CDH13: variants seen among roughly 807,000 people sequenced by gnomAD.
CDH13 encodes cadherin 13.
In CDH13, 24 loss-of-function variants were observed where a neutral mutation model predicts 63.8. That is an observed-to-expected ratio of 0.38 (90% CI 0.27 to 0.53). CDH13 has a LOEUF of 0.53. Among genes scored for constraint, CDH13 ranks in the 20% least tolerant of loss-of-function variants. CDH13 has a pLI of 0.85. For missense variants in CDH13, 1,049 were observed against 903.1 expected (o/e 1.16, Z -2.07); for synonymous variants, 503 against 355.3 (o/e 1.42, Z -4.67).
rs1057307151 is a variant in CDH13, at chr16:83,391,729, A to G, written c.781+46723A>G. On this transcript the variant is annotated intron_variant, in intron 6 of 13. Transcript: ENST00000567109. ...CAGGTCTGTTTTGCATTGTCACCCA[A>G]GTGACATTCAGTATTGCCATTGGTT... Among the ~76,000 whole-genome samples the G allele has an allele frequency of 2.0e-3, 304 of 152,308 alleles. 1 individual carries two copies. Among genetic ancestry groups the G allele is most frequent in the African/African-American group, 6.8e-3 (284 of 41,558 alleles).
At chr16:82,983,745 A>G (rs1199450537) in intron 2 of CDH13, among the ~76,000 whole-genome samples, 12 of 152,146 alleles carry the variant, frequency 7.9e-5, no homozygotes, top group Non-Finnish European at 1.0e-4. Context: ...ACAAATATAT[A>G]TGCCTGCTTC....
chr16:83,124,287 C>A (rs374051827), intron 3 of CDH13, among the ~76,000 whole-genome samples: 1 of 152,158 alleles, frequency 6.6e-6, no homozygotes, highest in African/African-American at 2.4e-5. Flanking sequence ...CTCAGGAGAT[C>A]GGCCTGCCCT....
At chr16:83,490,302 C>T (rs2073984759) in intron 7 of CDH13, among the ~76,000 whole-genome samples, 1 of 152,180 alleles carries the variant, frequency 6.6e-6, no homozygotes, top group Non-Finnish European at 1.5e-5. Flanking sequence ...GTGGCAGGCA[C>T]TGGGAATTTT....
intron 2 of CDH13, among the ~76,000 whole-genome samples, chr16:83,000,240 T>A (rs1320149006): frequency 2.7e-5 from 3 of 111,840 alleles, no homozygotes; most frequent in African/African-American, 9.9e-5. Flanking sequence ...TTTTTTTTTT[T>A]TTTTTTTTTT....
chr16:83,407,126 C>T (rs2092059309), intron 6 of CDH13, among the ~76,000 whole-genome samples: 1 of 152,206 alleles, frequency 6.6e-6, no homozygotes, highest in Non-Finnish European at 1.5e-5. Context: ...AGGCAGCCCT[C>T]TGGGAGCAGG....
intron 8 of CDH13, among the ~76,000 whole-genome samples, chr16:83,609,504 A>G (rs975065105): frequency 2.6e-5 from 4 of 152,214 alleles, no homozygotes; most frequent in Non-Finnish European, 5.9e-5. Context: ...AAGAATTTAA[A>G]TCTTTTTCCA....
intron 3 of CDH13, among the ~76,000 whole-genome samples, chr16:83,063,266 G>A (rs1358751383): frequency 1.3e-5 from 2 of 152,072 alleles, no homozygotes; most frequent in Non-Finnish European, 2.9e-5. Context: ...CCAGCCTGGT[G>A]GTTGGCTTTT....
intron 4 of CDH13, among the ~76,000 whole-genome samples, chr16:83,136,519 C>T (rs1458675432): frequency 2.0e-5 from 3 of 150,616 alleles, no homozygotes; most frequent in African/African-American, 7.3e-5. Flanking sequence ...AAATAGACTT[C>T]ACTAGAGGAA....
At chr16:83,618,250 C>A (rs1258967716) in intron 8 of CDH13, among the ~76,000 whole-genome samples, 1 of 151,892 alleles carries the variant, frequency 6.6e-6, no homozygotes, top group East Asian at 1.9e-4. Flanking sequence ...CATAGTGAAA[C>A]CTTGTCTCTA....
At chr16:83,014,004 C>T (rs1432477634) in intron 2 of CDH13, among the ~76,000 whole-genome samples, 2 of 152,072 alleles carry the variant, frequency 1.3e-5, no homozygotes, top group Admixed American at 1.3e-4. Context: ...CAGGCCTTTG[C>T]TAAACACTCG....
At chr16:83,378,559 A>G (rs1248302403) in intron 6 of CDH13, among the ~76,000 whole-genome samples, 1 of 152,320 alleles carries the variant, frequency 6.6e-6, no homozygotes, top group East Asian at 1.9e-4. Context: ...GAGTCTGTGT[A>G]CATGGCCCAG....
At chr16:83,742,111 C>T (rs989705313) in intron 10 of CDH13, among the ~76,000 whole-genome samples, 7 of 152,208 alleles carry the variant, frequency 4.6e-5, no homozygotes, top group Non-Finnish European at 8.8e-5. Flanking sequence ...ACCTTCCCAC[C>T]AATACTTGAG....
At chr16:83,353,401 C>T (rs765606818) in intron 6 of CDH13, among the ~76,000 whole-genome samples, 95 of 151,766 alleles carry the variant, frequency 6.3e-4, no homozygotes, top group Non-Finnish European at 1.1e-3. Context: ...ATGTCAGGCC[C>T]GCCCTGATGG....
At chr16:82,703,100 T>C (rs2031185058) in intron 1 of CDH13, among the ~76,000 whole-genome samples, 1 of 152,118 alleles carries the variant, frequency 6.6e-6, no homozygotes. Context: ...CTTTTTTTTG[T>C]TTTGTTCCAC....
chr16:83,474,377 T>A (rs986627201), intron 6 of CDH13, among the ~76,000 whole-genome samples: 2 of 152,166 alleles, frequency 1.3e-5, no homozygotes, highest in African/African-American at 4.8e-5. Context: ...AGAGTCTCCA[T>A]CTGTTCAGCT....
At chr16:83,222,691 C>A (rs2039731868) in intron 5 of CDH13, among the ~76,000 whole-genome samples, 1 of 151,936 alleles carries the variant, frequency 6.6e-6, no homozygotes, top group Non-Finnish European at 1.5e-5. Context: ...CTTTCTTAGC[C>A]AGGGTTCTTG....
At chr16:82,640,515 C>T (rs1909266817) in intron 1 of CDH13, among the ~76,000 whole-genome samples, 1 of 152,066 alleles carries the variant, frequency 6.6e-6, no homozygotes, top group Non-Finnish European at 1.5e-5. Flanking sequence ...TTAAAGCAGC[C>T]ACAGCCGATA....
chr16:82,773,396 C>G (rs1300274628), intron 1 of CDH13: 1 of 152,308 alleles, frequency 6.6e-6, no homozygotes, highest in East Asian at 1.9e-4. Flanking sequence ...CCACCCCTGC[C>G]CTGCTCCCAC....
Position 82,794,377 on chromosome 16 carries a change from C to G in CDH13, c.46-63985C>G, listed in dbSNP as rs148511595. ...AGAACACTTTAAATCAGGTTTAAAT[C>G]ATCTGAACATCAGAAAGGAATTTTT... On this transcript the variant is annotated intron_variant, in intron 1 of 13. Transcript: ENST00000567109. 1.2e-4 allele frequency among the ~76,000 whole-genome samples: 13 copies of G among 109,192 alleles called. No homozygotes were observed. In the East Asian group the frequency reaches 3.2e-3, roughly 27 times the overall value. 71.6% of individuals were successfully genotyped at this position (109,192 alleles called of 152,430 possible).
Sources: gnomAD v4.1 joint callset for allele counts (sites outside exome capture counted in the v4.1 genomes callset) on GRCh38, gnomAD v4.1.1 for gene constraint, MANE v1.5 for transcripts, NCBI Gene and HGNC (gene_info 2026-07-23, HGNC 2026-07-21) for gene names.